TES: variants seen among roughly 807,000 people sequenced by gnomAD.
TES encodes the protein testin.
A neutral mutation model predicts 48.2 loss-of-function variants in TES; 41 were observed. The observed-to-expected ratio is 0.85, with a 90% CI of 0.66 to 1.10. The LOEUF (loss-of-function observed/expected upper bound fraction) is 1.10, where lower values mean the gene tolerates loss of function less well. TES is among the 50% of genes least tolerant of loss of function. TES has a pLI of 0.00. For synonymous variants in TES, 162 were observed against 174.9 expected (o/e 0.93, Z 0.58); for missense variants, 463 against 515.1 (o/e 0.90, Z 0.98).
At chr7:116,216,634 A>C (rs1203896709) in intron 1 of TES, among the ~76,000 whole-genome samples, 1 of 151,756 alleles carries the variant, frequency 6.6e-6, no homozygotes, top group East Asian at 1.9e-4. Flanking sequence ...GCATAGTTTA[A>C]ATGTTAGTGA....
intron 2 of TES, among the ~76,000 whole-genome samples, chr7:116,242,182 A>G (rs1799857272): frequency 6.6e-6 from 1 of 152,210 alleles, no homozygotes; most frequent in Non-Finnish European, 1.5e-5. Context: ...CAGCCATATA[A>G]GGATCTATTT....
chr7:116,240,884 A>G, intron 2 of TES, among the ~76,000 whole-genome samples: 1 of 152,210 alleles, frequency 6.6e-6, no homozygotes, highest in South Asian at 2.1e-4. Flanking sequence ...TATATATATC[A>G]TCAGAAGTTA....
rs4710 is a variant in TES at position 116,257,338 on chromosome 7, G to T, written c.1122G>T (p.Arg374=). ...CHNAIDPEVQ[R]VTYNNFSWHA... ...ATGCCATCGACCCAGAAGTGCAGCG[G>T]GTGACCTATAACAATTTCAGCTGGC... Residue 374 remains arginine (R), a synonymous_variant, in exon 7 of 7, where the codon CGG becomes CGT. Coordinates refer to ENST00000358204, the MANE Select transcript of TES (RefSeq NM_015641.4). 9.0e-4 allele frequency: 1,448 copies of T among 1,613,548 alleles called. 3 individuals carry two copies. Among genetic ancestry groups the T allele is most frequent in the Non-Finnish European group, 1.1e-3 (1,317 of 1,179,856 alleles).
intron 1 of TES, 130 bp from the exon 2 acceptor site, chr7:116,234,404 T>A: frequency 1.4e-6 from 1 of 727,268 alleles, no homozygotes. Context: ...GTATCATCAT[T>A]GACTAAATAT....
At chr7:116,232,786 G>C (rs1799718234) in intron 1 of TES, among the ~76,000 whole-genome samples, 1 of 152,142 alleles carries the variant, frequency 6.6e-6, no homozygotes, top group Admixed American at 6.5e-5. Context: ...CATTTCTTTT[G>C]AAAATTGGTA....
chr7:116,219,886 A>T (rs1412805298), intron 1 of TES, among the ~76,000 whole-genome samples: 2 of 152,142 alleles, frequency 1.3e-5, no homozygotes, highest in Admixed American at 6.6e-5. Flanking sequence ...CATTCTGAAA[A>T]ACTGTAGAGG....
chr7:116,251,627 G>A, intron 4 of TES, 133 bp from the exon 5 acceptor site: 1 of 810,800 alleles, frequency 1.2e-6, no homozygotes, highest in East Asian at 2.5e-5. Flanking sequence ...AGCTTGCAAT[G>A]AGCCGAGATA....
chr7:116,242,756 T>C (rs1799867056), intron 2 of TES, among the ~76,000 whole-genome samples: 1 of 152,192 alleles, frequency 6.6e-6, no homozygotes, highest in Admixed American at 6.5e-5. Flanking sequence ...CTTAGTAAAT[T>C]CTTCTTAATG....
At chr7:116,251,319 T>A (rs1299219360) in intron 4 of TES, among the ~76,000 whole-genome samples, 1 of 152,192 alleles carries the variant, frequency 6.6e-6, no homozygotes, top group Non-Finnish European at 1.5e-5. Context: ...TCGACAAATT[T>A]GTAATTTCAG....
intron 1 of TES, chr7:116,217,863 C>A: frequency 1.9e-6 from 1 of 516,210 alleles, no homozygotes; most frequent in South Asian, 1.4e-5. Flanking sequence ...ATTTTCAGTT[C>A]TAAGTGCCCT....
At chr7:116,214,587 T>C (rs1464228094) in intron 1 of TES, among the ~76,000 whole-genome samples, 1 of 152,164 alleles carries the variant, frequency 6.6e-6, no homozygotes, top group African/African-American at 2.4e-5. Context: ...TTCTAACCCA[T>C]GGTGTGATTC....
intron 1 of TES, among the ~76,000 whole-genome samples, chr7:116,227,369 G>A (rs146429015): frequency 6.6e-6 from 1 of 151,386 alleles, no homozygotes; most frequent in East Asian, 1.9e-4. Context: ...TGATCCACCC[G>A]CCTCAGCCTC....
In TES at chr7:116,257,725, A is replaced by T; in HGVS notation, c.*243A>T. The T allele has an allele frequency of 3.3e-6, 1 of 300,038 alleles. No individual in the cohort carries two copies. The highest frequency in any genetic ancestry group is 7.3e-5 in the South Asian group (1 of 13,706). The allele number at this position is 300,038 out of a possible 1,614,324, so 18.6% of individuals were successfully genotyped here. ...ATTGTATCTTTCCATAGCTTTTCAA[A>T]TGTGAAATCATTTTTGGAAGCTTGG... On this transcript the variant is annotated 3_prime_UTR_variant, in exon 7 of 7. Coordinates refer to ENST00000358204, the MANE Select transcript of TES (RefSeq NM_015641.4).
At chr7:116,236,765 G>A (rs545867200) in intron 2 of TES, among the ~76,000 whole-genome samples, 15 of 152,158 alleles carry the variant, frequency 9.9e-5, no homozygotes, top group South Asian at 2.1e-4. Context: ...AAATATATCC[G>A]ACAAGAGCAG....
rs142942618 is a variant in TES at position 116,213,013 on chromosome 7, G to A, written c.27+2279G>A. 2.6e-3 allele frequency among the ~76,000 whole-genome samples: 399 copies of A among 152,230 alleles called. 1 individual carries two copies. Among genetic ancestry groups the A allele is most frequent in the African/African-American group, 9.3e-3 (386 of 41,520 alleles). On this transcript the variant is annotated intron_variant, in intron 1 of 6. Transcript: ENST00000358204. ...TATTAAAAAACCGCAGAGATGTCCC[G>A]TATGACTCCAATTTGTGAGTCCCTT...
intron 2 of TES, among the ~76,000 whole-genome samples, chr7:116,242,059 T>C (rs1010888577): frequency 3.3e-5 from 5 of 152,224 alleles, no homozygotes; most frequent in Non-Finnish European, 7.3e-5. Context: ...GTATTCATGT[T>C]GTACTGGTGT....
chr7:116,242,824 G>C (rs1799868106), intron 2 of TES, among the ~76,000 whole-genome samples: 1 of 151,828 alleles, frequency 6.6e-6, no homozygotes, highest in Non-Finnish European at 1.5e-5. Context: ...CAACAGTTTA[G>C]TTTTTTTCTT....
At chr7:116,236,588 G>T (rs1029264492) in intron 2 of TES, among the ~76,000 whole-genome samples, 1 of 151,970 alleles carries the variant, frequency 6.6e-6, no homozygotes, top group African/African-American at 2.4e-5. Context: ...AAACATTTTG[G>T]GTAAGAGATA....
intron 1 of TES, 27 bp downstream of exon 1, chr7:116,210,761 G>A (rs1799426199): frequency 1.6e-6 from 2 of 1,238,538 alleles, no homozygotes; most frequent in African/African-American, 1.6e-5. Context: ...GGCGGGCGGC[G>A]GCTGCTTCAC....
Sources: allele counts gnomAD v4.1 joint callset (sites outside exome capture counted in the v4.1 genomes callset), GRCh38; gene constraint gnomAD v4.1.1; transcripts MANE v1.5; gene names NCBI Gene and HGNC (gene_info 2026-07-23, HGNC 2026-07-21).